Variants in PCDHA13 observed in about 807,000 individuals in gnomAD.
PCDHA13 encodes the protein protocadherin alpha-13.
A neutral mutation model predicts 64.8 loss-of-function variants in PCDHA13; 54 were observed. That is an observed-to-expected ratio of 0.83 (90% CI 0.67 to 1.04). The LOEUF (loss-of-function observed/expected upper bound fraction) is 1.04. Among genes scored for constraint, PCDHA13 ranks in the 50% least tolerant of loss-of-function variants. The pLI is 0.00. For missense variants in PCDHA13, 1,248 were observed against 1,254.3 expected (o/e 0.99, Z 0.08); for synonymous variants, 587 against 564.4 (o/e 1.04, Z -0.57).
chr5:141,004,869 A>T (rs908726845), intron 3 of PCDHA13, among the ~76,000 whole-genome samples: 3 of 152,218 alleles, frequency 2.0e-5, no homozygotes, highest in Non-Finnish European at 2.9e-5. Flanking sequence ...TTTGTTTCTC[A>T]TCCCTAAAGT....
intron 1 of PCDHA13, chr5:140,930,401 T>G (rs1554207785): frequency 6.6e-6 from 1 of 152,210 alleles, no homozygotes; most frequent in African/African-American, 2.4e-5. Context: ...TTCTTTTTTT[T>G]TTTTGAGACA....
intron 1 of PCDHA13, among the ~76,000 whole-genome samples, chr5:140,909,474 C>G (rs1554193804): frequency 6.6e-6 from 1 of 152,182 alleles, no homozygotes; most frequent in African/African-American, 2.4e-5. Context: ...TCTTCACAGG[C>G]TAAATAGGAG....
Position 140,883,163 on chromosome 5 carries a change from A to C in PCDHA13, c.895A>C (p.Asn299His). 1 of 1,614,068 alleles carries C rather than the reference A, an allele frequency of 6.2e-7. No individual in the cohort carries two copies. Among genetic ancestry groups the C allele is most frequent in the South Asian group, 1.1e-5 (1 of 91,082 alleles). The part of the protein sequence containing the change: ...VVYAFTINPN[N>H]GEIRTKGKLD... ...ATATGCATTTACCATAAATCCGAACAATGGAGAAATTAGGACAAAAGGCAA... is the reference window on the plus strand; with the variant it reads ...ATATGCATTTACCATAAATCCGAACCATGGAGAAATTAGGACAAAAGGCAA... Residue 299 changes from asparagine to histidine, a missense_variant, in exon 1 of 4, where the codon AAT becomes CAT. Transcript: ENST00000289272.
intron 1 of PCDHA13, among the ~76,000 whole-genome samples, chr5:140,900,093 C>T (rs559553399): frequency 1.6e-4 from 24 of 152,202 alleles, no homozygotes; most frequent in Middle Eastern, 3.4e-3. Flanking sequence ...TACAAGCATG[C>T]GCCACCATAC....
chr5:140,958,799 C>T (rs889190378), intron 1 of PCDHA13, among the ~76,000 whole-genome samples: 3 of 152,104 alleles, frequency 2.0e-5, no homozygotes, highest in African/African-American at 7.2e-5. Context: ...AGTAAATTAT[C>T]ACACCATTCT....
chr5:140,928,128 A>C (rs782708968), intron 1 of PCDHA13: 1 of 1,614,194 alleles, frequency 6.2e-7, no homozygotes, highest in Admixed American at 1.7e-5. Context: ...GTGAATACCA[A>C]GTCCTGATCA....
At chr5:140,926,654 C>G (rs2083445492) in intron 1 of PCDHA13, 1 of 514,022 alleles carries the variant, frequency 1.9e-6, no homozygotes, top group Non-Finnish European at 3.1e-6. Flanking sequence ...GCCGGCTCCG[C>G]TTTCCCAGAC....
At chr5:140,951,544 G>C (rs543008494) in intron 1 of PCDHA13, among the ~76,000 whole-genome samples, 1 of 151,878 alleles carries the variant, frequency 6.6e-6, no homozygotes, top group African/African-American at 2.4e-5. Context: ...AGCAAGGGAC[G>C]GGGGGAAGTG....
intron 3 of PCDHA13, among the ~76,000 whole-genome samples, chr5:140,996,673 T>C (rs2097737293): frequency 6.6e-6 from 1 of 152,200 alleles, no homozygotes; most frequent in African/African-American, 2.4e-5. Context: ...TTTTGAACCA[T>C]GTTGGGCTAG....
chr5:140,930,377 T>C (rs1480359985), intron 1 of PCDHA13: 1 of 152,198 alleles, frequency 6.6e-6, no homozygotes, highest in Non-Finnish European at 1.5e-5. Flanking sequence ...TAGTGGCCCT[T>C]GGCATTTCAA....
intron 1 of PCDHA13, chr5:140,929,177 T>G: frequency 6.2e-7 from 1 of 1,614,172 alleles, no homozygotes; most frequent in Non-Finnish European, 8.5e-7. Flanking sequence ...TCTCTGGGAC[T>G]TGGTTCTGAT....
rs376345503 is a variant in PCDHA13 at position 140,884,158 on chromosome 5, G to T, written c.1890G>T (p.Glu630Asp). Reference sequence around the variant, plus strand: ...TCCGCGTGGGGCTGTACACTGGCGAGATCAGCACGACGCGCCCTCTGGACG... The same window carrying T: ...TCCGCGTGGGGCTGTACACTGGCGATATCAGCACGACGCGCCCTCTGGACG... Reference protein sequence around the residue: ...IPFRVGLYTGEISTTRPLDEV... With the variant: ...IPFRVGLYTGDISTTRPLDEV... Residue 630 changes from glutamate (E) to aspartate (D), a missense_variant, in exon 1 of 4, where the codon GAG (glutamate) becomes GAT (aspartate). Glu to Asp is a conservative substitution (Grantham distance 45). Coordinates refer to ENST00000289272, the MANE Select transcript of PCDHA13 (RefSeq NM_018904.3). 3.7e-6 allele frequency: 6 copies of T among 1,613,488 alleles called. No individual in the cohort carries two copies. Among genetic ancestry groups the T allele is most frequent in the Non-Finnish European group, 5.1e-6 (6 of 1,179,766 alleles).
intron 1 of PCDHA13, among the ~76,000 whole-genome samples, chr5:140,911,760 A>G (rs1295639313): frequency 6.6e-6 from 1 of 151,962 alleles, no homozygotes; most frequent in African/African-American, 2.4e-5. Flanking sequence ...TCTCCATACT[A>G]TTAGAAGTAC....
intron 1 of PCDHA13, among the ~76,000 whole-genome samples, chr5:140,953,639 AG>A (rs1227582024): frequency 6.6e-6 from 1 of 152,152 alleles, no homozygotes; most frequent in African/African-American, 2.4e-5. Context: ...TATTTTGGCC[AG>A]GAGCTATAGT....
chr5:140,917,937 T>C (rs2078442259), intron 1 of PCDHA13, among the ~76,000 whole-genome samples: 1 of 152,186 alleles, frequency 6.6e-6, no homozygotes, highest in Non-Finnish European at 1.5e-5. Flanking sequence ...AAAAATAATA[T>C]TGGTAGTTTG....
At chr5:140,889,302 C>T (rs1323356979) in intron 1 of PCDHA13, among the ~76,000 whole-genome samples, 1 of 151,926 alleles carries the variant, frequency 6.6e-6, no homozygotes, top group Non-Finnish European at 1.5e-5. Flanking sequence ...TTGGAGAACT[C>T]ACTGTTGAAG....
At chr5:140,997,472 C>CACA (rs1386540010) in intron 3 of PCDHA13, among the ~76,000 whole-genome samples, 12 of 152,120 alleles carry the variant, frequency 7.9e-5, no homozygotes, top group Non-Finnish European at 1.8e-4. Context: ...GCAATTTTTA[C>CACA]ACAATGATAA....
rs782537686 is a variant in PCDHA13, at chr5:140,967,852, C to T, written c.2395-11097C>T. 13 of 1,614,142 alleles carry T rather than the reference C, an allele frequency of 8.1e-6. No homozygotes were observed. The Middle Eastern group carries it at 1.2e-3, about 143-fold the overall frequency. On this transcript the variant is annotated intron_variant, in intron 1 of 3. Transcript: ENST00000289272. ...ACATCGTGGACGTGAATGACAATGC[C>T]CCAGAGGTGGTGCTCACGGACCTGT...
intron 1 of PCDHA13, chr5:140,966,280 G>A (rs782249047): frequency 2.0e-4 from 74 of 365,660 alleles, no homozygotes; most frequent in Middle Eastern, 6.9e-4. Context: ...CTGGACAGTG[G>A]GGGTAGGGAG....
Sources: gnomAD v4.1 joint callset for allele counts (sites outside exome capture counted in the v4.1 genomes callset) on GRCh38, gnomAD v4.1.1 for gene constraint, MANE v1.5 for transcripts, NCBI Gene and HGNC (gene_info 2026-07-23, HGNC 2026-07-21) for gene names.